Variants in SNHG17 observed in about 807,000 individuals in gnomAD.
SNHG17 encodes the protein small nucleolar RNA host gene 17 (non-protein coding).
chr20:38,422,920 A>G (rs1327495902), intron 5 of SNHG17, among the ~76,000 whole-genome samples: 1 of 152,124 alleles, frequency 6.6e-6, no homozygotes, highest in Non-Finnish European at 1.5e-5. Flanking sequence ...GTGAAACCCC[A>G]TCTCTACTAG....
At chr20:38,430,005 A>G (rs1013140319) in intron 3 of SNHG17, among the ~76,000 whole-genome samples, 1 of 152,192 alleles carries the variant, frequency 6.6e-6, no homozygotes, top group African/African-American at 2.4e-5. Context: ...AAATATTGAG[A>G]ATCCTGGGGC....
intron 3 of SNHG17, among the ~76,000 whole-genome samples, chr20:38,426,721 A>G (rs2084254428): frequency 6.6e-6 from 1 of 150,666 alleles, no homozygotes; most frequent in African/African-American, 2.4e-5. Flanking sequence ...TCCTCAGGGG[A>G]GCCCCAAAGG....
chr20:38,432,145 A>AG, intron 2 of SNHG17: 1 of 985,482 alleles, frequency 1.0e-6, no homozygotes, highest in Non-Finnish European at 1.2e-6. Flanking sequence ...GGAAAGGACA[A>AG]GGAGAGTACT....
intron 2 of SNHG17, among the ~76,000 whole-genome samples, chr20:38,433,227 T>A (rs551307154): frequency 5.3e-5 from 8 of 152,202 alleles, no homozygotes; most frequent in African/African-American, 1.7e-4. Flanking sequence ...CCACACTCCT[T>A]GGCCTCTCAG....
At chr20:38,435,033 G>GT (rs1491342704) in intron 1 of SNHG17, 2 of 1,231,046 alleles carry the variant, frequency 1.6e-6, no homozygotes, top group Admixed American at 8.4e-5. Context: ...TCACCTGCCA[G>GT]TGTCTTTCCC....
Sources: gnomAD v4.1 joint callset for allele counts (sites outside exome capture counted in the v4.1 genomes callset) on GRCh38, gnomAD v4.1.1 for gene constraint, MANE v1.5 for transcripts, NCBI Gene and HGNC (gene_info 2026-07-23, HGNC 2026-07-21) for gene names.